Variants in AGAP1 observed in about 807,000 individuals in gnomAD.
AGAP1 encodes ArfGAP with GTPase domain, ankyrin repeat and PH domain 1.
Under a neutral mutation model 105.3 loss-of-function variants are expected in AGAP1, and 29 were observed. The observed-to-expected ratio is 0.28, with a 90% CI of 0.21 to 0.38. AGAP1 has a LOEUF of 0.38. Ranked by LOEUF, AGAP1 falls within the 10% of genes least tolerant of loss-of-function variation. The probability of loss-of-function intolerance (pLI) is 1.00; values close to 1 mark genes in which losing one functional copy is unlikely to be tolerated. For missense variants in AGAP1, 998 were observed against 1,165.1 expected (o/e 0.86, Z 2.09); for synonymous variants, 509 against 485.9 (o/e 1.05, Z -0.63).
rs771038088 is a variant in AGAP1 at position 235,845,751 on chromosome 2, C to T, written c.1051-37594C>T. ...ATCTATTAACCTTCTCCAGCTGCTC[C>T]GAGATGGTCACCAAGTCCTTCTTCC... On this transcript the variant is annotated intron_variant, in intron 9 of 17. Transcript: ENST00000304032. This position sits in a 1 kb window ranked among gnomAD's most constrained non-coding sequence, Gnocchi z 4.8. Among the ~76,000 whole-genome samples, 1 of 152,100 alleles carries T rather than the reference C, an allele frequency of 6.6e-6. No homozygotes were observed. Among genetic ancestry groups the T allele is most frequent in the Non-Finnish European group, 1.5e-5 (1 of 68,022 alleles).
rs559618620 is a variant in AGAP1, at chr2:235,753,693, G to A, written c.673+3205G>A. Among the ~76,000 whole-genome samples the A allele has an allele frequency of 2.0e-5, 3 of 150,130 alleles. No individual in the cohort carries two copies. Among genetic ancestry groups the A allele is most frequent in the Admixed American group, 1.3e-4 (2 of 15,092 alleles). On this transcript the variant is annotated intron_variant, in intron 6 of 17. Transcript: ENST00000304032. This position sits in a 1 kb window ranked among gnomAD's most constrained non-coding sequence, Gnocchi z 4.5. ...TGCGCTCCATCCTGGGTGACAGAGC[G>A]AGACTCTGTCTCAAAAAAAAAAAAA...
chr2:235,730,130 A>C (rs531455355), intron 3 of AGAP1, among the ~76,000 whole-genome samples: 1 of 152,284 alleles, frequency 6.6e-6, no homozygotes, highest in South Asian at 2.1e-4. Flanking sequence ...CCGTACTTTT[A>C]CATACTCACT....
At position 235,712,098 on chromosome 2, in the gene AGAP1, C is replaced by G. The variant is rs1950887390; in HGVS notation, c.222+2861C>G. 6.6e-6 allele frequency among the ~76,000 whole-genome samples: 1 copy of G among 152,082 alleles called. No homozygotes were observed. Among genetic ancestry groups the G allele is most frequent in the Non-Finnish European group, 1.5e-5 (1 of 68,020 alleles). ...GGAGTGCAGTGGCGCCATCTCGGCT[C>G]ACTGCAACCTGCCTCCTGGGTTCAA... On this transcript the variant is annotated intron_variant, in intron 2 of 17. Transcript: ENST00000304032. The surrounding 1 kb of genome is among the most constrained non-coding windows in gnomAD (Gnocchi z 6.0).
At position 235,747,555 on chromosome 2, in the gene AGAP1, C is replaced by T. The variant is rs955317118; in HGVS notation, c.538+2716C>T. On this transcript the variant is annotated intron_variant, in intron 5 of 17. Coordinates refer to ENST00000304032, the MANE Select transcript of AGAP1 (RefSeq NM_001037131.3). This position sits in a 1 kb window ranked among gnomAD's most constrained non-coding sequence, Gnocchi z 5.0. ...TGGGCCACCCCCAGATGAACCAGAA[C>T]GAAAAGTTGCAATCAGGGCTGTATT... Among the ~76,000 whole-genome samples, 21 of 152,280 alleles carry T rather than the reference C, an allele frequency of 1.4e-4. No individual in the cohort carries two copies. The highest frequency in any genetic ancestry group is 2.4e-4 in the African/African-American group (10 of 41,576).
chr2:235,715,015 T>G (rs1227854962), intron 2 of AGAP1, among the ~76,000 whole-genome samples: 1 of 152,142 alleles, frequency 6.6e-6, no homozygotes, highest in Admixed American at 6.5e-5. Context: ...GCCAGGATGG[T>G]CTCGATCTCC....
At chr2:235,501,269 A>G (rs1266392574) in intron 1 of AGAP1, among the ~76,000 whole-genome samples, 6 of 152,096 alleles carry the variant, frequency 3.9e-5, no homozygotes, top group Non-Finnish European at 8.8e-5. Flanking sequence ...GCTGATGTCC[A>G]TTTCCTTCTA....
rs1181089486 is a variant in AGAP1, at chr2:236,082,580, TAAAG to T, written c.2114+33303_2114+33306del. Among the ~76,000 whole-genome samples, 2 of 152,200 alleles carry T rather than the reference TAAAG, an allele frequency of 1.3e-5. No individual in the cohort carries two copies. Among genetic ancestry groups the T allele is most frequent in the Non-Finnish European group, 2.9e-5 (2 of 68,038 alleles). On this transcript the variant is annotated intron_variant, in intron 16 of 17. Coordinates refer to ENST00000304032, the MANE Select transcript of AGAP1 (RefSeq NM_001037131.3). This position sits in a 1 kb window ranked among gnomAD's most constrained non-coding sequence, Gnocchi z 4.2. ...GATTGGTTTACAAAATTCACCTAGTTAAAGAAAAGAGGGCCAGGTGCAACGGCTC... is the reference window on the plus strand; with the variant it reads ...GATTGGTTTACAAAATTCACCTAGTTAAAAGAGGGCCAGGTGCAACGGCTC...
chr2:235,823,395 C>T (rs923544586), intron 9 of AGAP1, among the ~76,000 whole-genome samples: 1 of 152,100 alleles, frequency 6.6e-6, no homozygotes, highest in Non-Finnish European at 1.5e-5. Flanking sequence ...TTATCCTCTC[C>T]GAGTAGCTGG....
chr2:236,106,401 C>T (rs1381742439), intron 16 of AGAP1, among the ~76,000 whole-genome samples: 4 of 152,240 alleles, frequency 2.6e-5, no homozygotes, highest in Non-Finnish European at 4.4e-5. Context: ...ACTGCGGCAG[C>T]GCACAGGGCT....
At chr2:235,899,543 G>A (rs987837919) in intron 10 of AGAP1, among the ~76,000 whole-genome samples, 4 of 152,132 alleles carry the variant, frequency 2.6e-5, no homozygotes, top group South Asian at 2.1e-4. Context: ...TTGTTTTAGC[G>A]CTGCACATTT....
chr2:235,702,549 G>A (rs983013813), intron 1 of AGAP1, among the ~76,000 whole-genome samples: 2 of 152,188 alleles, frequency 1.3e-5, no homozygotes, highest in Non-Finnish European at 2.9e-5. Context: ...GTTTGCTGAG[G>A]TAGAATGCTA....
chr2:235,679,379 A>C (rs1161986320), intron 1 of AGAP1, among the ~76,000 whole-genome samples: 1 of 152,212 alleles, frequency 6.6e-6, no homozygotes, highest in East Asian at 1.9e-4. Flanking sequence ...ACATTTGCCC[A>C]GGTGGATTTC....
chr2:235,634,599 T>A (rs1255321661), intron 1 of AGAP1, among the ~76,000 whole-genome samples: 1 of 152,210 alleles, frequency 6.6e-6, no homozygotes, highest in Non-Finnish European at 1.5e-5. Context: ...ACACTGCGAA[T>A]CATCAGAGAA....
chr2:235,790,118 G>T (rs1421730414), intron 6 of AGAP1, among the ~76,000 whole-genome samples: 1 of 152,148 alleles, frequency 6.6e-6, no homozygotes, highest in Admixed American at 6.5e-5. Flanking sequence ...CAAAAAAAAT[G>T]ATGAAAGCCT....
intron 1 of AGAP1, among the ~76,000 whole-genome samples, chr2:235,678,900 C>T (rs2149389880): frequency 6.6e-6 from 1 of 152,264 alleles, no homozygotes; most frequent in African/African-American, 2.4e-5. Context: ...TTGTGTTTCG[C>T]CATGTAGCCC....
At chr2:235,996,074 C>A (rs2055800958) in intron 13 of AGAP1, among the ~76,000 whole-genome samples, 1 of 152,200 alleles carries the variant, frequency 6.6e-6, no homozygotes, top group Non-Finnish European at 1.5e-5. Flanking sequence ...GGAGGCTTGC[C>A]AACCGTTTGT....
intron 15 of AGAP1, among the ~76,000 whole-genome samples, chr2:236,047,208 G>T (rs766052430): frequency 6.6e-6 from 1 of 152,210 alleles, no homozygotes; most frequent in African/African-American, 2.4e-5. Context: ...TTTGGGTTTC[G>T]CCCTGGAACA....
rs114943210 is a variant in AGAP1 at position 235,781,923 on chromosome 2, A to G, written c.674-15836A>G. Among the ~76,000 whole-genome samples the G allele has an allele frequency of 6.2e-3, 937 of 152,318 alleles. 5 individuals are homozygous for G. Among genetic ancestry groups the G allele is most frequent in the African/African-American group, 0.022 (900 of 41,562 alleles). ...TGTAGAATCAAGGAAGCTTGAAGCTACGTCTTCATGCATCATGGGAGCTGT... is the reference window on the plus strand; with the variant it reads ...TGTAGAATCAAGGAAGCTTGAAGCTGCGTCTTCATGCATCATGGGAGCTGT... On this transcript the variant is annotated intron_variant, in intron 6 of 17. Coordinates refer to ENST00000304032, the MANE Select transcript of AGAP1 (RefSeq NM_001037131.3).
chr2:235,680,219 G>C (rs1334319523), intron 1 of AGAP1, among the ~76,000 whole-genome samples: 2 of 152,214 alleles, frequency 1.3e-5, no homozygotes, highest in Non-Finnish European at 2.9e-5. Context: ...ATTCATAGAA[G>C]AGTGGTAAAA....
Sources: allele counts gnomAD v4.1 joint callset (sites outside exome capture counted in the v4.1 genomes callset), GRCh38; gene constraint gnomAD v4.1.1; non-coding constraint Gnocchi (gnomAD v3.1); transcripts MANE v1.5; gene names NCBI Gene and HGNC (gene_info 2026-07-23, HGNC 2026-07-21).